AUH: variants seen among roughly 807,000 people sequenced by gnomAD.
AUH encodes the protein methylglutaconyl-CoA hydratase, mitochondrial.
AUH carries 29 observed loss-of-function variants against 42.3 expected under a neutral mutation model. The observed-to-expected ratio is 0.69, with a 90% confidence interval of 0.51 to 0.93. The LOEUF (loss-of-function observed/expected upper bound fraction) is 0.93, where lower values mean the gene tolerates loss of function less well. AUH is among the 40% of genes least tolerant of loss of function. The pLI, the probability that AUH is intolerant of heterozygous loss-of-function variation, is 0.00. For synonymous variants in AUH, 174 were observed against 166.4 expected (o/e 1.05, Z -0.35); for missense variants, 452 against 438.1 (o/e 1.03, Z -0.28).
At chr9:91,333,754 C>G (rs982690202) in intron 3 of AUH, among the ~76,000 whole-genome samples, 2 of 152,336 alleles carry the variant, frequency 1.3e-5, no homozygotes, top group Admixed American at 1.3e-4. Context: ...AAACATCTAA[C>G]AAGTTCCCAA....
intron 6 of AUH, among the ~76,000 whole-genome samples, chr9:91,232,305 G>A (rs1827934054): frequency 1.3e-5 from 2 of 152,158 alleles, no homozygotes; most frequent in African/African-American, 4.8e-5. Flanking sequence ...CCTAGGAAGT[G>A]GATGCTACAG....
intron 6 of AUH, among the ~76,000 whole-genome samples, chr9:91,250,216 C>T (rs1829052434): frequency 6.6e-6 from 1 of 152,108 alleles, no homozygotes; most frequent in African/African-American, 2.4e-5. Flanking sequence ...CATGGCAGCC[C>T]TCCCAGTGCA....
rs181194890 is a variant in AUH, at chr9:91,276,155, G to A, written c.655+19866C>T. On this transcript the variant is annotated intron_variant, in intron 6 of 9. Coordinates refer to ENST00000375731, the MANE Select transcript of AUH (RefSeq NM_001698.3). ...AAAAAAAATTAGGAACAGGTCGAGC[G>A]CGGTGGCTCATGCCTATAATCTCAG... Among the ~76,000 whole-genome samples, 14 of 152,178 alleles carry A rather than the reference G, an allele frequency of 9.2e-5. No homozygotes were observed. The East Asian group carries it at 1.4e-3, about 15-fold the overall frequency.
intron 7 of AUH, 42 bp from the exon 8 acceptor site, chr9:91,217,369 T>A (rs549084783): frequency 6.3e-7 from 1 of 1,577,760 alleles, no homozygotes; most frequent in African/African-American, 1.3e-5. Context: ...TTATTTTTTA[T>A]GCAAATTATG....
At chr9:91,314,854 A>G (rs1192008603) in intron 4 of AUH, among the ~76,000 whole-genome samples, 1 of 152,238 alleles carries the variant, frequency 6.6e-6, no homozygotes, top group African/African-American at 2.4e-5. Context: ...TCTTCCTGAT[A>G]AAGAGACTAC....
At chr9:91,303,531 C>T (rs962332762) in intron 4 of AUH, among the ~76,000 whole-genome samples, 1 of 152,128 alleles carries the variant, frequency 6.6e-6, no homozygotes, top group Non-Finnish European at 1.5e-5. Context: ...AGGGTTTCAC[C>T]GTGTTAGCCA....
intron 4 of AUH, among the ~76,000 whole-genome samples, chr9:91,302,997 C>T (rs1249634689): frequency 2.6e-5 from 4 of 152,132 alleles, no homozygotes; most frequent in African/African-American, 9.7e-5. Flanking sequence ...GGATCAGATA[C>T]TATTTTCAGT....
intron 6 of AUH, among the ~76,000 whole-genome samples, chr9:91,240,153 A>T (rs1200554064): frequency 1.3e-5 from 2 of 152,188 alleles, no homozygotes; most frequent in East Asian, 1.9e-4. Context: ...ATATCTTTTT[A>T]AAAAAAATTT....
At chr9:91,326,902 A>T (rs184795268) in intron 3 of AUH, among the ~76,000 whole-genome samples, 152 of 152,274 alleles carry the variant, frequency 1.0e-3, no homozygotes, top group African/African-American at 3.4e-3. Context: ...TTGGTGCCAA[A>T]CTGTTCTTTG....
At chr9:91,346,861 A>T (rs769351964) in intron 3 of AUH, among the ~76,000 whole-genome samples, 27 of 126,188 alleles carry the variant, frequency 2.1e-4, no homozygotes, top group East Asian at 1.3e-3. Context: ...CTCAGAATTT[A>T]AAAAAAAAAA....
chr9:91,309,447 T>C (rs2131743095), intron 4 of AUH, among the ~76,000 whole-genome samples: 1 of 152,314 alleles, frequency 6.6e-6, no homozygotes, highest in South Asian at 2.1e-4. Context: ...TTCTTCCTAA[T>C]GTGGTATATA....
At chr9:91,296,976 A>G (rs1564075873) in intron 5 of AUH, among the ~76,000 whole-genome samples, 1 of 152,234 alleles carries the variant, frequency 6.6e-6, no homozygotes, top group African/African-American at 2.4e-5. Context: ...GCCACATCAG[A>G]AACGATAATG....
At chr9:91,274,355 T>C (rs1490737157) in intron 6 of AUH, among the ~76,000 whole-genome samples, 1 of 152,224 alleles carries the variant, frequency 6.6e-6, no homozygotes, top group Non-Finnish European at 1.5e-5. Context: ...CTCAGAGTGT[T>C]ATGATGACAC....
intron 6 of AUH, among the ~76,000 whole-genome samples, chr9:91,265,418 T>C (rs1829921409): frequency 6.6e-6 from 1 of 152,158 alleles, no homozygotes; most frequent in Non-Finnish European, 1.5e-5. Context: ...ATTGTTTCTG[T>C]ATTAGCTGTT....
At chr9:91,358,550 A>G (rs1832611941) in intron 1 of AUH, among the ~76,000 whole-genome samples, 1 of 152,186 alleles carries the variant, frequency 6.6e-6, no homozygotes, top group South Asian at 2.1e-4. Context: ...ACTCCATGGG[A>G]CTGTATTAGA....
chr9:91,240,421 G>A (rs1474702481), intron 6 of AUH, among the ~76,000 whole-genome samples: 1 of 152,142 alleles, frequency 6.6e-6, no homozygotes, highest in East Asian at 1.9e-4. Context: ...CATGACTCAA[G>A]TCAGACCAAT....
At chr9:91,354,866 A>T (rs1268068476) in intron 3 of AUH, among the ~76,000 whole-genome samples, 1 of 149,540 alleles carries the variant, frequency 6.7e-6, no homozygotes, top group African/African-American at 2.5e-5. Context: ...TCACCTGGTG[A>T]ATATGATCTA....
At chr9:91,344,299 T>C (rs1831320902) in intron 3 of AUH, among the ~76,000 whole-genome samples, 1 of 152,198 alleles carries the variant, frequency 6.6e-6, no homozygotes, top group Non-Finnish European at 1.5e-5. Flanking sequence ...TCACTGAATC[T>C]ACCTATAACC....
chr9:91,223,224 C>A (rs139549091), intron 6 of AUH, among the ~76,000 whole-genome samples: 248 of 152,274 alleles, frequency 1.6e-3, no homozygotes, highest in African/African-American at 5.7e-3. Context: ...AAACCCTTGG[C>A]GTGGCTCACC....
Sources: allele counts gnomAD v4.1 joint callset (sites outside exome capture counted in the v4.1 genomes callset), GRCh38; gene constraint gnomAD v4.1.1; transcripts MANE v1.5; gene names NCBI Gene and HGNC (gene_info 2026-07-23, HGNC 2026-07-21).